The following ITGB5 variants were observed in gnomAD, a reference collection of about 807,000 sequenced individuals.
ITGB5 encodes the protein integrin beta-5.
In ITGB5, 38 loss-of-function variants were observed where a neutral mutation model predicts 84.8. The observed-to-expected ratio is 0.45, with a 90% CI of 0.35 to 0.59. The LOEUF is 0.59. ITGB5 is among the 20% of genes least tolerant of loss of function. The pLI is 0.01. For synonymous variants in ITGB5, 393 were observed against 414.4 expected (o/e 0.95, Z 0.63); for missense variants, 905 against 1,034.5 (o/e 0.87, Z 1.72).
At chr3:124,813,558 C>G (rs779762415) in intron 8 of ITGB5, among the ~76,000 whole-genome samples, 12 of 152,142 alleles carry the variant, frequency 7.9e-5, no homozygotes, top group Non-Finnish European at 1.8e-4. Flanking sequence ...CATCAATTTG[C>G]TAGAATGGCT....
At chr3:124,883,935 C>T (rs1559987451) in intron 1 of ITGB5, among the ~76,000 whole-genome samples, 1 of 152,022 alleles carries the variant, frequency 6.6e-6, no homozygotes, top group Non-Finnish European at 1.5e-5. Flanking sequence ...GGTTGTCAGC[C>T]GGCCAGGGAC....
chr3:124,804,957 G>A (rs1209190227), intron 9 of ITGB5, among the ~76,000 whole-genome samples: 1 of 151,778 alleles, frequency 6.6e-6, no homozygotes, highest in African/African-American at 2.4e-5. Flanking sequence ...GTGAGCCACC[G>A]TGCCCGCCTT....
upstream of ITGB5, among the ~76,000 whole-genome samples, chr3:124,890,068 G>A (rs1224124593): frequency 3.3e-5 from 5 of 152,238 alleles, no homozygotes; most frequent in African/African-American, 9.6e-5. Context: ...GAGATGTTGC[G>A]TGCCAAGTGG....
At chr3:124,881,371 C>A (rs1934564415) in intron 1 of ITGB5, among the ~76,000 whole-genome samples, 1 of 152,106 alleles carries the variant, frequency 6.6e-6, no homozygotes. Context: ...GTGGCTGTGT[C>A]AGGGACACAG....
chr3:124,838,548 A>C (rs75837627), intron 5 of ITGB5, among the ~76,000 whole-genome samples: 3,381 of 152,308 alleles, frequency 0.022, 110 homozygotes, highest in African/African-American at 0.077. Flanking sequence ...AAGAGAGAGC[A>C]AAGTTACTAT....
chr3:124,869,918 A>G (rs953401086), intron 2 of ITGB5, among the ~76,000 whole-genome samples: 1 of 152,214 alleles, frequency 6.6e-6, no homozygotes, highest in South Asian at 2.1e-4. Context: ...TTCTAGCCAC[A>G]TGTCACTAGA....
chr3:124,805,454 T>C (rs752707360), intron 9 of ITGB5, among the ~76,000 whole-genome samples: 8 of 151,298 alleles, frequency 5.3e-5, no homozygotes, highest in Non-Finnish European at 7.4e-5. Flanking sequence ...TTACTGCCAT[T>C]ACTTTTTTTT....
At chr3:124,837,601 G>C (rs1365633961) in intron 5 of ITGB5, among the ~76,000 whole-genome samples, 1 of 152,200 alleles carries the variant, frequency 6.6e-6, no homozygotes, top group Non-Finnish European at 1.5e-5. Flanking sequence ...TAAATGGAAT[G>C]AATCCTAAAT....
At chr3:124,837,807 G>A (rs1229439849) in intron 5 of ITGB5, among the ~76,000 whole-genome samples, 8 of 152,350 alleles carry the variant, frequency 5.3e-5, no homozygotes, top group South Asian at 4.1e-4. Flanking sequence ...TCCCTGTGGC[G>A]CTGGGAGATA....
At chr3:124,773,948 A>G (rs754277879) in intron 10 of ITGB5, 36 bp from the exon 11 acceptor site, 10 of 1,580,300 alleles carry the variant, frequency 6.3e-6, no homozygotes. Context: ...GCACCTGCTC[A>G]CCTTTACACA....
chr3:124,768,639 T>C (rs2063799615), intron 12 of ITGB5, among the ~76,000 whole-genome samples: 1 of 152,264 alleles, frequency 6.6e-6, no homozygotes, highest in South Asian at 2.1e-4. Flanking sequence ...CTTTTCTATT[T>C]ATCCGTTGAT....
intron 1 of ITGB5, among the ~76,000 whole-genome samples, chr3:124,899,930 G>GGA (rs148467120): frequency 0.03 from 4,366 of 147,404 alleles, 96 homozygotes; most frequent in South Asian, 0.045. Flanking sequence ...TTACTTTACT[G>GGA]GAGAGAATAT....
chr3:124,817,246 A>T (rs2064616042), intron 8 of ITGB5, among the ~76,000 whole-genome samples: 1 of 152,142 alleles, frequency 6.6e-6, no homozygotes, highest in Non-Finnish European at 1.5e-5. Context: ...CTGCTCCCTC[A>T]GGCAGAGAAT....
At chr3:124,765,582 G>T (rs1877567) in intron 13 of ITGB5, among the ~76,000 whole-genome samples, 25,171 of 152,152 alleles carry the variant, frequency 0.17, 2,292 homozygotes, top group Admixed American at 0.25. Flanking sequence ...TTACTTTCAC[G>T]TCTGTGCTCC....
In ITGB5 at chr3:124,821,453, C is replaced by G. The variant is rs1175943442; in HGVS notation, c.802G>C (p.Asp268His). Residue 268 changes from aspartate (D) to histidine (H), a missense_variant, in exon 6 of 15, where the codon GAT becomes CAT. Transcript: ENST00000296181. ...GTGAACACCAGCAAATGCAGTGCAT[C>G]CTTTCGCCAGCCAATCTTCTCCTGA... is the stretch of plus-strand genomic sequence containing the variant. ...VCKEKIGWRK[D>H]ALHLLVFTTD... The G allele has an allele frequency of 6.2e-7, 1 of 1,614,226 alleles. No individual in the cohort carries two copies. The highest frequency in any genetic ancestry group is 1.7e-5 in the Admixed American group (1 of 60,024).
chr3:124,819,342 G>A (rs4678165), intron 7 of ITGB5, among the ~76,000 whole-genome samples: 15,435 of 152,228 alleles, frequency 0.1, 927 homozygotes, highest in South Asian at 0.2. Context: ...CCTATAGTCT[G>A]CAGGCTCAGG....
rs2063939068 is a variant in ITGB5 at position 124,777,240 on chromosome 3, C to T, written c.1694-3328G>A. On this transcript the variant is annotated intron_variant, in intron 10 of 14. Coordinates refer to ENST00000296181, the MANE Select transcript of ITGB5 (RefSeq NM_002213.5). ...AGCTGCTGGCCATTCCTAAAAGCTT[C>T]CTACCACCCTTGAGCCCAGCCAGAA... Among the ~76,000 whole-genome samples, 3 of 152,202 alleles carry T rather than the reference C, an allele frequency of 2.0e-5. No individual in the cohort carries two copies. The South Asian group carries it at 6.2e-4, about 32-fold the overall frequency.
intron 6 of ITGB5, among the ~76,000 whole-genome samples, chr3:124,820,670 A>G (rs1038467573): frequency 6.6e-6 from 1 of 152,210 alleles, no homozygotes; most frequent in South Asian, 2.1e-4. Context: ...TTTTGGCAGG[A>G]AAATTGCACA....
chr3:124,848,604 C>T (rs1170452669), intron 3 of ITGB5, 46 bp from the exon 4 acceptor site: 1 of 1,559,946 alleles, frequency 6.4e-7, no homozygotes, highest in East Asian at 2.3e-5. Context: ...GTGCAACCTG[C>T]TGAGGGCTGA....
Sources: gnomAD v4.1 joint callset for allele counts (sites outside exome capture counted in the v4.1 genomes callset) on GRCh38, gnomAD v4.1.1 for gene constraint, MANE v1.5 for transcripts, NCBI Gene and HGNC (gene_info 2026-07-23, HGNC 2026-07-21) for gene names.